MYH13: variants seen among roughly 807,000 people sequenced by gnomAD.
MYH13 encodes myosin-13.
A neutral mutation model predicts 232.1 loss-of-function variants in MYH13; 177 were observed. The observed-to-expected ratio is 0.76, with a 90% CI of 0.67 to 0.86. MYH13 has a LOEUF of 0.86. MYH13 is among the 40% of genes least tolerant of loss of function. MYH13 has a pLI of 0.00. For missense variants in MYH13, 2,246 were observed against 2,405.9 expected, an observed-to-expected ratio of 0.93 and a Z score of 1.39; for synonymous variants, 884 against 923.5, an observed-to-expected ratio of 0.96 and a Z score of 0.78.
chr17:10,309,250 T>G lies in MYH13; in HGVS notation c.5153A>C (p.Gln1718Pro), dbSNP rs781329038. 4 of 1,613,432 alleles carry G rather than the reference T, an allele frequency of 2.5e-6. No homozygotes were observed. The highest frequency in any genetic ancestry group is 1.7e-4 in the Middle Eastern group (1 of 6,022). The change falls in exon 35 of 41, where the codon CAG (glutamine) becomes CCG (proline). Residue 1718 changes from glutamine (Q) to proline (P), a missense_variant. Coordinates refer to ENST00000252172, the MANE Select transcript of MYH13 (RefSeq NM_003802.3). ...CCGACGCACCTGGGAGTGCAGGAGC[T>G]GCACGCGGTCGCTGGCGTCCAGCAG... Reference protein sequence around the residue: ...QELLDASDRVQLLHSQNTSLI... With the variant: ...QELLDASDRVPLLHSQNTSLI...
chr17:10,302,919 C>T (rs1906143930), intron 39 of MYH13, among the ~76,000 whole-genome samples: 1 of 150,984 alleles, frequency 6.6e-6, no homozygotes, highest in Non-Finnish European at 1.5e-5. Flanking sequence ...GGCTAACATG[C>T]TCTAGGGGGT....
chr17:10,360,751 G>T (rs1158395236), intron 5 of MYH13, among the ~76,000 whole-genome samples: 3 of 152,162 alleles, frequency 2.0e-5, no homozygotes, highest in African/African-American at 7.2e-5. Context: ...AGATGCAGGG[G>T]TAATTACTCA....
In MYH13 at chr17:10,343,923, T is replaced by C; in HGVS notation, c.1771A>G (p.Asn591Asp). The C allele has an allele frequency of 6.2e-7, 1 of 1,614,226 alleles. No homozygotes were observed. Among genetic ancestry groups the C allele is most frequent in the Non-Finnish European group, 8.5e-7 (1 of 1,180,038 alleles). ...TTTTTGTCCAGCCAGCCGGCGATGTTGTAGTCCACGGTGCCGGCATAGTGC... is the reference window on the plus strand; with the variant it reads ...TTTTTGTCCAGCCAGCCGGCGATGTCGTAGTCCACGGTGCCGGCATAGTGC... ...LVHYAGTVDYNIAGWLDKNKD... is the reference protein window; with the variant it reads ...LVHYAGTVDYDIAGWLDKNKD... Residue 591 changes from asparagine to aspartate, a missense_variant, in exon 16 of 41, where the codon AAC becomes GAC. Physicochemically the swap from Asn to Asp is conservative, Grantham distance 23. Coordinates refer to ENST00000252172, the MANE Select transcript of MYH13 (RefSeq NM_003802.3).
At chr17:10,355,060 G>C (rs1393628859) in intron 9 of MYH13, 24 bp downstream of exon 9, 3 of 1,608,220 alleles carry the variant, frequency 1.9e-6, no homozygotes, top group East Asian at 2.2e-5. Flanking sequence ...AACACCAACG[G>C]ATTTATAGAG....
At chr17:10,312,122 A>G in intron 31 of MYH13, 46 bp from the exon 32 acceptor site, 1 of 1,605,734 alleles carries the variant, frequency 6.2e-7, no homozygotes, top group Non-Finnish European at 8.5e-7. Context: ...AGCAGGGGTG[A>G]CTCAGAAGAG....
In MYH13 at chr17:10,301,402, G is replaced by C. The variant is rs79297233; in HGVS notation, c.5802+167C>G. Among the ~76,000 whole-genome samples, 254 of 152,276 alleles carry C rather than the reference G, an allele frequency of 1.7e-3. 5 individuals are homozygous for C. The East Asian group carries it at 0.035, about 21-fold the overall frequency. On this transcript the variant is annotated intron_variant, in intron 40 of 40. Transcript: ENST00000252172. ...GGGAAGAAGCCATACTCAGGTACTT[G>C]CTCTTCCCTGGCCCCCTACATCTCA... is the stretch of plus-strand genomic sequence containing the variant.
At position 10,312,096 on chromosome 17, in the gene MYH13, C is replaced by T. The variant is rs376717158; in HGVS notation, c.4366-20G>A. On this transcript the variant is annotated intron_variant, in intron 31 of 40. Transcript: ENST00000252172. ...AAGGACCTGGGAGATGACAAAGGGA[C>T]ATGGGAGAAGCAGAAAGCAGGGGTG... 2 of 1,612,558 alleles carry T rather than the reference C, an allele frequency of 1.2e-6. No homozygotes were observed. The highest frequency in any genetic ancestry group is 8.5e-7 in the Non-Finnish European group (1 of 1,179,722).
chr17:10,348,233 C>T (rs1241754089), intron 12 of MYH13, among the ~76,000 whole-genome samples: 1 of 152,246 alleles, frequency 6.6e-6, no homozygotes, highest in Non-Finnish European at 1.5e-5. Context: ...ACATCCTTCT[C>T]TCTCTTGCCC....
chr17:10,306,820 G>T lies in MYH13; in HGVS notation c.5295+119C>A. On this transcript the variant is annotated intron_variant, in intron 36 of 40. Coordinates refer to ENST00000252172, the MANE Select transcript of MYH13 (RefSeq NM_003802.3). The surrounding 1 kb of genome is among the most constrained non-coding windows in gnomAD (Gnocchi z 4.3). Reference sequence around the variant, plus strand: ...ACTGTACCTCATTACATCTGTCTGGGAAGCCACCACTAACCGATTGTTGTC... The same window carrying T: ...ACTGTACCTCATTACATCTGTCTGGTAAGCCACCACTAACCGATTGTTGTC... 6.4e-7 allele frequency: 1 copy of T among 1,558,386 alleles called. No homozygotes were observed. Among genetic ancestry groups the T allele is most frequent in the Non-Finnish European group, 8.6e-7 (1 of 1,157,322 alleles).
At position 10,304,718 on chromosome 17, in the gene MYH13, C is replaced by G. The variant is rs1483038431; in HGVS notation, c.5467-1220G>C. ...ATGGAGATAATATTTCCTGCCCAGC[C>G]TACCTCAAATGTGGAGATCAAATGA... is the stretch of plus-strand genomic sequence containing the variant. On this transcript the variant is annotated intron_variant, in intron 37 of 40. Transcript: ENST00000252172. The surrounding 1 kb of genome is among the most constrained non-coding windows in gnomAD (Gnocchi z 5.3). Among the ~76,000 whole-genome samples, 1 of 152,232 alleles carries G rather than the reference C, an allele frequency of 6.6e-6. No homozygotes were observed. The highest frequency in any genetic ancestry group is 1.5e-5 in the Non-Finnish European group (1 of 68,036).
At chr17:10,327,159 G>C in intron 22 of MYH13, among the ~76,000 whole-genome samples, 1 of 128,038 alleles carries the variant, frequency 7.8e-6, no homozygotes, top group Admixed American at 8.1e-5. Flanking sequence ...CCGCCACTAC[G>C]CCCGGCTAAT....
At chr17:10,303,822 A>G (rs1476450884) in intron 37 of MYH13, among the ~76,000 whole-genome samples, 1 of 152,198 alleles carries the variant, frequency 6.6e-6, no homozygotes, top group African/African-American at 2.4e-5. Context: ...ACATGCACAT[A>G]TATGTTTACT....
chr17:10,350,836 G>A (rs759459359), intron 11 of MYH13, 142 bp from the exon 12 acceptor site: 4 of 1,083,024 alleles, frequency 3.7e-6, no homozygotes, highest in Non-Finnish European at 5.5e-6. Context: ...TGGGGATGTG[G>A]TAAATTAGAA....
At position 10,307,043 on chromosome 17, in the gene MYH13, T is replaced by C. The variant is rs1368242647; in HGVS notation, c.5191A>G (p.Lys1731Glu). The change falls in exon 36 of 41, where the codon AAG becomes GAG. Residue 1731 changes from lysine (K) to glutamate (E), a missense_variant. By Grantham distance (56) the Lys-to-Glu change is moderately conservative (BLOSUM62 1). Coordinates refer to ENST00000252172, the MANE Select transcript of MYH13 (RefSeq NM_003802.3). The stretch of plus-strand genomic sequence containing the variant: ...GCTATGTCAGCCTCCAGTTTTTTCT[T>C]GGTATTTATCAGGCTTGTGTTCTAC... The part of the protein sequence containing the change: ...HSQNTSLINT[K>E]KKLEADIAQC... 6.2e-7 allele frequency: 1 copy of C among 1,614,006 alleles called. No individual in the cohort carries two copies. Among genetic ancestry groups the C allele is most frequent in the Non-Finnish European group, 8.5e-7 (1 of 1,179,890 alleles).
At chr17:10,322,268 G>C (rs140660985) in intron 23 of MYH13, among the ~76,000 whole-genome samples, 16,210 of 152,060 alleles carry the variant, frequency 0.11, 1,198 homozygotes, top group South Asian at 0.19. Flanking sequence ...CATGGTGGTG[G>C]GCACCTGTAG....
At position 10,309,410 on chromosome 17, in the gene MYH13, G is replaced by A; in HGVS notation, c.4993C>T (p.Leu1665=). 6.2e-7 allele frequency: 1 copy of A among 1,607,258 alleles called. No individual in the cohort carries two copies. Residue 1665 remains leucine (L), a synonymous_variant, in exon 35 of 41, where the codon CTG becomes TTG. Coordinates refer to ENST00000252172, the MANE Select transcript of MYH13 (RefSeq NM_003802.3). ...KDSQLHLDDA[L]RSNEDLKEQL... is the part of the protein sequence containing the mutation. ...TCCTTGAGGTCCTCATTGCTCCTCA[G>A]GGCGTCATCGAGATGCAGCTGGGAG...
intron 2 of MYH13, among the ~76,000 whole-genome samples, chr17:10,369,694 T>A (rs2071864351): frequency 9.3e-6 from 1 of 107,512 alleles, no homozygotes; most frequent in Non-Finnish European, 2.5e-5. Flanking sequence ...CAAGTAGAGA[T>A]TTTTTCTCCC....
chr17:10,327,769 G>A, intron 22 of MYH13, 97 bp downstream of exon 22: 2 of 1,475,770 alleles, frequency 1.4e-6, no homozygotes, highest in Non-Finnish European at 1.8e-6. Flanking sequence ...TGGCACCACT[G>A]TCTCTCGAAT....
Position 10,326,141 on chromosome 17 carries a change from T to G in MYH13, c.2691+1725A>C, listed in dbSNP as rs141368683. ...CAATAGCTGGATGAGGTGAGTACTC[T>G]GACTATGCCCATTTTACAGACGAGA... is the stretch of plus-strand genomic sequence containing the variant. On this transcript the variant is annotated intron_variant, in intron 22 of 40. Coordinates refer to ENST00000252172, the MANE Select transcript of MYH13 (RefSeq NM_003802.3). Among the ~76,000 whole-genome samples, 68 of 152,350 alleles carry G rather than the reference T, an allele frequency of 4.5e-4. 2 individuals are homozygous for G. The East Asian group carries it at 0.012, about 27-fold the overall frequency.
Sources: gnomAD v4.1 joint callset for allele counts (sites outside exome capture counted in the v4.1 genomes callset) on GRCh38, gnomAD v4.1.1 for gene constraint, Gnocchi (gnomAD v3.1) non-coding constraint, MANE v1.5 for transcripts, NCBI Gene and HGNC (gene_info 2026-07-23, HGNC 2026-07-21) for gene names.